PLXDC2: variants seen among roughly 807,000 people sequenced by gnomAD.
PLXDC2 encodes the protein plexin domain containing 2.
In PLXDC2, 40 loss-of-function variants were observed where a neutral mutation model predicts 68.9. That is an observed-to-expected ratio of 0.58 (90% CI 0.45 to 0.76). The LOEUF is 0.76. PLXDC2 is among the 30% of genes least tolerant of loss of function. The pLI, the probability that PLXDC2 is intolerant of heterozygous loss-of-function variation, is 0.00. For missense variants in PLXDC2, 644 were observed against 661.9 expected (o/e 0.97, Z 0.30); for synonymous variants, 243 against 234.2 (o/e 1.04, Z -0.34).
chr10:19,881,922 T>C (rs1266409813), intron 1 of PLXDC2, among the ~76,000 whole-genome samples: 1 of 152,222 alleles, frequency 6.6e-6, no homozygotes, highest in Non-Finnish European at 1.5e-5. Flanking sequence ...CTCAACTAAC[T>C]GAAAGAATGC....
rs1218570802 is a variant in PLXDC2 at position 20,280,320 on chromosome 10, A to C, written c.*501A>C. On this transcript the variant is annotated 3_prime_UTR_variant, in exon 14 of 14. Transcript: ENST00000377252. Reference sequence around the variant, plus strand: ...GAAAAACAGCCCATGCAAGAGTGAGAACAAACACAAAATAAGAGATTTTCT... The same window carrying C: ...GAAAAACAGCCCATGCAAGAGTGAGCACAAACACAAAATAAGAGATTTTCT... The C allele has an allele frequency of 6.5e-6, 1 of 153,110 alleles. No individual in the cohort carries two copies. Among genetic ancestry groups the C allele is most frequent in the Non-Finnish European group, 1.5e-5 (1 of 68,486 alleles). The allele number at this position is 153,110 out of a possible 1,614,324, so 9.5% of individuals were successfully genotyped here.
At chr10:20,045,899 T>G (rs1463013177) in intron 2 of PLXDC2, among the ~76,000 whole-genome samples, 2 of 152,136 alleles carry the variant, frequency 1.3e-5, no homozygotes, top group African/African-American at 4.8e-5. Flanking sequence ...TTATATAATT[T>G]TTCTGGATAT....
chr10:20,172,192 A>G (rs1156280768), intron 7 of PLXDC2, among the ~76,000 whole-genome samples: 3 of 148,372 alleles, frequency 2.0e-5, no homozygotes, highest in African/African-American at 7.5e-5. Context: ...AACACACCCA[A>G]TTCAATTTAA....
intron 1 of PLXDC2, among the ~76,000 whole-genome samples, chr10:19,820,145 G>A (rs1836436434): frequency 6.6e-6 from 1 of 152,180 alleles, no homozygotes; most frequent in Non-Finnish European, 1.5e-5. Context: ...TTTTGTTGTT[G>A]TTGTTCATGG....
At chr10:19,872,454 C>T (rs1355625187) in intron 1 of PLXDC2, among the ~76,000 whole-genome samples, 1 of 152,210 alleles carries the variant, frequency 6.6e-6, no homozygotes, top group Non-Finnish European at 1.5e-5. Flanking sequence ...CCCAGCAGAG[C>T]TGGTGTCAGT....
chr10:19,926,082 A>C (rs997751183), intron 1 of PLXDC2, among the ~76,000 whole-genome samples: 2 of 152,156 alleles, frequency 1.3e-5, no homozygotes, highest in South Asian at 4.1e-4. Flanking sequence ...GTAAACAAAA[A>C]ATTTGGAGAG....
At chr10:19,823,737 A>G (rs1167449633) in intron 1 of PLXDC2, among the ~76,000 whole-genome samples, 2 of 152,284 alleles carry the variant, frequency 1.3e-5, no homozygotes, top group Admixed American at 6.5e-5. Flanking sequence ...CTGTAATCCC[A>G]ACACTTTGGG....
chr10:20,021,581 C>T (rs12761089), intron 2 of PLXDC2, among the ~76,000 whole-genome samples: 9,924 of 152,164 alleles, frequency 0.065, 392 homozygotes, highest in Middle Eastern at 0.13. Flanking sequence ...AATAAGGCCA[C>T]CCCCTCTTGT....
rs186104758 is a variant in PLXDC2 at position 20,285,881 on chromosome 10, C to T, written c.*6062C>T. 6 of 152,252 alleles carry T rather than the reference C, an allele frequency of 3.9e-5. No homozygotes were observed. In the South Asian group the frequency reaches 8.3e-4, roughly 21 times the overall value. 9.4% of individuals were successfully genotyped at this position (152,252 alleles called of 1,614,324 possible). On this transcript the variant is annotated 3_prime_UTR_variant, in exon 14 of 14. Coordinates refer to ENST00000377252, the MANE Select transcript of PLXDC2 (RefSeq NM_032812.9). ...AATGTGTCTATAATTTCCTGTTCTA[C>T]CATTGTCATATCATAACATGGTATT...
intron 1 of PLXDC2, among the ~76,000 whole-genome samples, chr10:19,837,462 G>C (rs1836821986): frequency 6.6e-6 from 1 of 150,530 alleles, no homozygotes; most frequent in Admixed American, 6.6e-5. Flanking sequence ...GTGTTGGTGG[G>C]CAGGCAGAGA....
chr10:20,020,177 A>ATTTTTTTTTTTTTTTTTTTTTTTT (rs1564659038), intron 2 of PLXDC2, among the ~76,000 whole-genome samples: 2 of 98,188 alleles, frequency 2.0e-5, no homozygotes, highest in African/African-American at 8.8e-5. Flanking sequence ...ACACCCAGCA[A>ATTTTTTTTTTTTTTTTTTTTTTTT]ATTTTTTTTT....
intron 5 of PLXDC2, 62 bp from the exon 6 acceptor site, chr10:20,147,722 C>T (rs1196374742): frequency 9.7e-7 from 1 of 1,026,534 alleles, no homozygotes; most frequent in East Asian, 2.6e-5. Flanking sequence ...GTGAAAACTC[C>T]CACCAGAATT....
Position 20,211,677 on chromosome 10 carries a change from G to A in PLXDC2, c.1070G>A (p.Ser357Asn). 5 of 1,613,150 alleles carry A rather than the reference G, an allele frequency of 3.1e-6. No homozygotes were observed. Among genetic ancestry groups the A allele is most frequent in the Non-Finnish European group, 4.2e-6 (5 of 1,179,356 alleles). ...SWCSKLQRCSSGFDRHRQDWV... is the reference protein window; with the variant it reads ...SWCSKLQRCSNGFDRHRQDWV... ...TGTGGTCTTCTTTGAAGATGTTCCA[G>A]TGGATTTGATCGTCATCGGCAGGAC... Residue 357 changes from serine (S) to asparagine (N), a missense_variant, in exon 10 of 14, where the codon AGT (serine) becomes AAT (asparagine). This residue lies in a region of PLXDC2 where 330 missense variants were observed against 327.9 expected (regional missense o/e 1.01). Transcript: ENST00000377252.
chr10:19,916,112 G>C (rs1322528399), intron 1 of PLXDC2, among the ~76,000 whole-genome samples: 11 of 148,260 alleles, frequency 7.4e-5, no homozygotes, highest in African/African-American at 2.3e-4. Context: ...GGGAAATTAT[G>C]TGGAGGGAGT....
At chr10:19,891,571 C>T (rs1340122349) in intron 1 of PLXDC2, among the ~76,000 whole-genome samples, 1 of 152,168 alleles carries the variant, frequency 6.6e-6, no homozygotes, top group African/African-American at 2.4e-5. Flanking sequence ...AAAAGAAAGC[C>T]ATGGGTCTCC....
At position 20,030,729 on chromosome 10, in the gene PLXDC2, G is replaced by A. The variant is rs576096828; in HGVS notation, c.325-16140G>A. Among the ~76,000 whole-genome samples the A allele has an allele frequency of 3.3e-5, 5 of 152,248 alleles. No individual in the cohort carries two copies. In the East Asian group the frequency reaches 7.8e-4, roughly 24 times the overall value. On this transcript the variant is annotated intron_variant, in intron 2 of 13. Coordinates refer to ENST00000377252, the MANE Select transcript of PLXDC2 (RefSeq NM_032812.9). ...TGAGCCCTGACTGGCTGAGAGAGGT[G>A]AGCGCTGATTAGTTGATTCAGGTGA... is the stretch of plus-strand genomic sequence containing the variant.
chr10:20,232,434 T>C (rs1232234404), intron 12 of PLXDC2, among the ~76,000 whole-genome samples: 1 of 152,100 alleles, frequency 6.6e-6, no homozygotes. Flanking sequence ...TAAGAGAATA[T>C]TCATAGCAAC....
chr10:19,829,143 C>T (rs1290803390), intron 1 of PLXDC2, among the ~76,000 whole-genome samples: 1 of 141,238 alleles, frequency 7.1e-6, no homozygotes, highest in Non-Finnish European at 1.5e-5. Context: ...CTTTTTGGTG[C>T]ACGCTTTCCT....
chr10:20,005,617 G>A (rs1478541412), intron 2 of PLXDC2, among the ~76,000 whole-genome samples: 1 of 152,100 alleles, frequency 6.6e-6, no homozygotes, highest in African/African-American at 2.4e-5. Flanking sequence ...TTCAACCATG[G>A]CAGGAGGTGA....
Sources: allele counts gnomAD v4.1 joint callset (sites outside exome capture counted in the v4.1 genomes callset), GRCh38; gene constraint gnomAD v4.1.1; regional missense constraint gnomAD v4.1.1; transcripts MANE v1.5; gene names NCBI Gene and HGNC (gene_info 2026-07-23, HGNC 2026-07-21).